The following ZFP64 variants were observed in gnomAD, a reference collection of about 807,000 sequenced individuals.
The protein encoded by ZFP64 is zinc finger protein 64.
Under a neutral mutation model 51.6 loss-of-function variants are expected in ZFP64, and 14 were observed. The ratio of observed to expected loss-of-function variants is 0.27; its 90% CI spans 0.18 to 0.42. The LOEUF is 0.42. ZFP64 is among the 10% of genes least tolerant of loss of function. ZFP64 has a pLI of 1.00. For missense variants in ZFP64, 754 were observed against 906.8 expected (o/e 0.83, Z 2.16); for synonymous variants, 375 against 361.4 (o/e 1.04, Z -0.43).
chr20:52,173,537 A>G (rs2123071996), intron 2 of ZFP64, among the ~76,000 whole-genome samples: 1 of 152,340 alleles, frequency 6.6e-6, no homozygotes, highest in African/African-American at 2.4e-5. Context: ...GCAGTGAGCT[A>G]TGATTGCACC....
intron 5 of ZFP64, among the ~76,000 whole-genome samples, chr20:52,134,163 G>C (rs1159178352): frequency 6.6e-6 from 1 of 151,540 alleles, no homozygotes; most frequent in Non-Finnish European, 1.5e-5. Context: ...CGCTCCCCAA[G>C]GCCCTTTTTA....
At chr20:52,111,437 A>C (rs1206380308) in intron 5 of ZFP64, among the ~76,000 whole-genome samples, 1 of 149,730 alleles carries the variant, frequency 6.7e-6, no homozygotes, top group Non-Finnish European at 1.5e-5. Context: ...CTGGTCTTGA[A>C]CTCCCAACCT....
rs1197633106 is a variant in ZFP64 at position 52,186,914 on chromosome 20, C to T, written c.204G>A (p.Gln68=). ...CAGGCACTGTTTCCTCCGATACAAA[C>T]TGGACCGTGCTGGGGGCTGCTGCGG... ...GTSAAAPSTV[Q]FVSEETVPAT... Residue 68 remains glutamine (Q), a synonymous_variant, in exon 2 of 6, where the codon CAG becomes CAA. Transcript: ENST00000216923. 6.2e-7 allele frequency: 1 copy of T among 1,614,070 alleles called. No homozygotes were observed. The highest frequency in any genetic ancestry group is 8.5e-7 in the Non-Finnish European group (1 of 1,179,956).
rs190480509 is a variant in ZFP64 at position 52,102,598 on chromosome 20, C to G, written c.764-4011G>C. 8.3e-4 allele frequency among the ~76,000 whole-genome samples: 127 copies of G among 152,262 alleles called. 5 individuals are homozygous for G. The East Asian group carries it at 0.019, about 23-fold the overall frequency. On this transcript the variant is annotated intron_variant, in intron 5 of 8. Transcript: ENST00000361387. ...TACTAGAAGAGAAAACCATTAAACT[C>G]TTGAGGGTTTTAATTCCACAGAAGT...
At chr20:52,106,928 CT>C (rs1313300363) in intron 5 of ZFP64, among the ~76,000 whole-genome samples, 1 of 152,112 alleles carries the variant, frequency 6.6e-6, no homozygotes, top group African/African-American at 2.4e-5. Context: ...GGAACCTTGT[CT>C]CTACTAAAAA....
chr20:52,152,411 GGGCCAC>G lies in ZFP64; in HGVS notation c.1775_1780del (p.Gly592_Pro594delinsAla). On this transcript the variant is annotated inframe_deletion, in exon 6 of 6. Coordinates refer to ENST00000216923, the MANE Select transcript of ZFP64 (RefSeq NM_018197.3). Reference sequence around the variant, plus strand: ...AGTTTGATTGCCAGAGCCTTCCTGGGGGCCACCTGAGGCCGTGGGGATGAGAGTCTG... The same window carrying G: ...AGTTTGATTGCCAGAGCCTTCCTGGGCTGAGGCCGTGGGGATGAGAGTCTG... 6.2e-7 allele frequency: 1 copy of G among 1,614,160 alleles called. No individual in the cohort carries two copies. Among genetic ancestry groups the G allele is most frequent in the Non-Finnish European group, 8.5e-7 (1 of 1,180,026 alleles).
intron 5 of ZFP64, among the ~76,000 whole-genome samples, chr20:52,104,346 C>A (rs563217895): frequency 6.6e-6 from 1 of 152,316 alleles, no homozygotes; most frequent in African/African-American, 2.4e-5. Flanking sequence ...ACGAGAAATG[C>A]TGCCCGGGGG....
intron 2 of ZFP64, among the ~76,000 whole-genome samples, chr20:52,171,422 T>G (rs758164957): frequency 3.9e-5 from 6 of 152,174 alleles, no homozygotes; most frequent in Non-Finnish European, 5.9e-5. Context: ...TATGTGTATG[T>G]GTATGTGTCT....
In ZFP64 at chr20:52,160,280, G is replaced by A. The variant is rs755033320; in HGVS notation, c.606C>T (p.Pro202=). 5 of 1,614,224 alleles carry A rather than the reference G, an allele frequency of 3.1e-6. No homozygotes were observed. The highest frequency in any genetic ancestry group is 4.2e-6 in the Non-Finnish European group (5 of 1,180,048). Residue 202 remains proline, a synonymous_variant, in exon 5 of 6, where the codon CCC becomes CCT. Transcript: ENST00000216923. The surrounding 1 kb of genome is among the most constrained non-coding windows in gnomAD (Gnocchi z 4.2). ...THMRCHTGVK[P]YKCKTCDYAA... The stretch of plus-strand genomic sequence containing the variant: ...CGTAGTCACACGTCTTACACTTGTA[G>A]GGCTTCACGCCCGTGTGGCACCGCA...
intron 5 of ZFP64, among the ~76,000 whole-genome samples, chr20:52,119,658 T>C (rs905568704): frequency 8.8e-5 from 13 of 147,896 alleles, no homozygotes; most frequent in African/African-American, 3.0e-4. Flanking sequence ...CCAGCTACTC[T>C]GGAGGCTGAA....
chr20:52,181,779 G>A (rs913094399), intron 2 of ZFP64, among the ~76,000 whole-genome samples: 6 of 152,142 alleles, frequency 3.9e-5, no homozygotes, highest in East Asian at 1.9e-4. Flanking sequence ...CCCGGGCACC[G>A]GTATCCTTAA....
At position 52,153,470 on chromosome 20, in the gene ZFP64, C is replaced by A. The variant is rs1242746574; in HGVS notation, c.764-42G>T. 1 of 1,584,074 alleles carries A rather than the reference C, an allele frequency of 6.3e-7. No homozygotes were observed. Among genetic ancestry groups the A allele is most frequent in the Non-Finnish European group, 8.6e-7 (1 of 1,164,076 alleles). On this transcript the variant is annotated intron_variant, in intron 5 of 5. Transcript: ENST00000216923. This position sits in a 1 kb window ranked among gnomAD's most constrained non-coding sequence, Gnocchi z 5.1. ...AGTTTCGATAAGAACAGGCAGGCAACAACCACAGCGGATCCCCCCGAAGCA... is the reference window on the plus strand; with the variant it reads ...AGTTTCGATAAGAACAGGCAGGCAAAAACCACAGCGGATCCCCCCGAAGCA...
intron 8 of ZFP64, among the ~76,000 whole-genome samples, chr20:52,086,373 G>A (rs2078863931): frequency 6.6e-6 from 1 of 151,940 alleles, no homozygotes; most frequent in Non-Finnish European, 1.5e-5. Flanking sequence ...TTGCTCATTT[G>A]GGGGCACATT....
intron 7 of ZFP64, among the ~76,000 whole-genome samples, chr20:52,091,034 G>T (rs2078920931): frequency 6.6e-6 from 1 of 151,190 alleles, no homozygotes; most frequent in Admixed American, 6.6e-5. Context: ...GAGCCCAGAA[G>T]GTGAGCTCTG....
chr20:52,177,614 C>G (rs550714980), intron 2 of ZFP64, among the ~76,000 whole-genome samples: 1 of 152,186 alleles, frequency 6.6e-6, no homozygotes, highest in South Asian at 2.1e-4. Context: ...AGCCCACCAC[C>G]GAGAACAGGA....
At chr20:52,123,119 T>C (rs567858898) in intron 5 of ZFP64, among the ~76,000 whole-genome samples, 2 of 152,054 alleles carry the variant, frequency 1.3e-5, no homozygotes, top group Admixed American at 6.5e-5. Context: ...GCCTCCCGAG[T>C]AGCTAGGATT....
intron 5 of ZFP64, among the ~76,000 whole-genome samples, chr20:52,144,364 G>A (rs1217890896): frequency 7.0e-6 from 1 of 142,074 alleles, no homozygotes; most frequent in Non-Finnish European, 1.6e-5. Context: ...CAGATCACGA[G>A]GTCAAGAGAT....
At chr20:52,175,523 G>C (rs1317389552) in intron 2 of ZFP64, among the ~76,000 whole-genome samples, 3 of 152,226 alleles carry the variant, frequency 2.0e-5, no homozygotes, top group Admixed American at 2.0e-4. Context: ...TTGATCTCCA[G>C]GCAAGTATCC....
At chr20:52,118,562 C>T (rs764513011) in intron 5 of ZFP64, among the ~76,000 whole-genome samples, 2 of 152,192 alleles carry the variant, frequency 1.3e-5, no homozygotes, top group Non-Finnish European at 2.9e-5. Flanking sequence ...TCTTATGCCA[C>T]AGTCGGCCTG....
Sources: allele counts gnomAD v4.1 joint callset (sites outside exome capture counted in the v4.1 genomes callset), GRCh38; gene constraint gnomAD v4.1.1; non-coding constraint Gnocchi (gnomAD v3.1); transcripts MANE v1.5; gene names NCBI Gene and HGNC (gene_info 2026-07-23, HGNC 2026-07-21).